The following OCA2 variants were observed in gnomAD, a reference collection of about 807,000 sequenced individuals.
OCA2 encodes the protein OCA2 melanosomal transmembrane protein, also known as P protein.
Under a neutral mutation model 100.2 loss-of-function variants are expected in OCA2, and 77 were observed. The observed-to-expected ratio is 0.77, with a 90% confidence interval of 0.64 to 0.93. The LOEUF (loss-of-function observed/expected upper bound fraction) is 0.93, where lower values mean the gene tolerates loss of function less well. Among genes scored for constraint, OCA2 ranks in the 40% least tolerant of loss-of-function variants. The pLI is 0.00. For synonymous variants in OCA2, 432 were observed against 439.2 expected (o/e 0.98, Z 0.21); for missense variants, 1,062 against 1,089.1 (o/e 0.98, Z 0.35).
intron 16 of OCA2, 79 bp from the exon 17 acceptor site, chr15:27,955,294 T>C: frequency 1.9e-6 from 2 of 1,056,072 alleles, no homozygotes; most frequent in Non-Finnish European, 3.0e-6. Flanking sequence ...TCCCCAGCGC[T>C]TCGTGCCTGG....
At chr15:27,756,505 A>C (rs998179119) in intron 23 of OCA2, among the ~76,000 whole-genome samples, 1 of 152,268 alleles carries the variant, frequency 6.6e-6, no homozygotes, top group African/African-American at 2.4e-5. Context: ...AAAGAAACAC[A>C]GAACATATTT....
intron 23 of OCA2, among the ~76,000 whole-genome samples, chr15:27,756,967 C>T (rs2030428588): frequency 6.6e-6 from 1 of 152,216 alleles, no homozygotes; most frequent in Non-Finnish European, 1.5e-5. Context: ...CAAACATTTT[C>T]ATTTCACCCA....
At chr15:28,009,190 C>T (rs74824892) in intron 9 of OCA2, among the ~76,000 whole-genome samples, 115 of 152,302 alleles carry the variant, frequency 7.6e-4, no homozygotes, top group African/African-American at 2.6e-3. Flanking sequence ...TCCTTTAACA[C>T]CCCTGCAGCC....
chr15:28,018,810 G>C (rs984652684), intron 6 of OCA2, among the ~76,000 whole-genome samples: 2 of 152,172 alleles, frequency 1.3e-5, no homozygotes, highest in African/African-American at 4.8e-5. Context: ...CAGGGAAAGG[G>C]TGCATCCTTA....
Position 28,014,797 on chromosome 15 carries a change from G to A in OCA2, c.1023C>T (p.Val341=). The A allele has an allele frequency of 6.2e-7, 1 of 1,613,834 alleles. No homozygotes were observed. The highest frequency in any genetic ancestry group is 8.5e-7 in the Non-Finnish European group (1 of 1,180,018). Residue 341 remains valine, a synonymous_variant, in exon 9 of 24, where the codon GTC becomes GTT. Coordinates refer to ENST00000354638, the MANE Select transcript of OCA2 (RefSeq NM_000275.3). ...VTIATAILAG[V]YALIIFEIVH... ...TTACCTCAAATATGATCAGCGCGTA[G>A]ACGCCCGCGAGGATGGCCGTCGCGA...
downstream of OCA2, among the ~76,000 whole-genome samples, chr15:27,751,873 G>A (rs368470439): frequency 2.0e-4 from 30 of 152,340 alleles, no homozygotes; most frequent in East Asian, 2.3e-3. Flanking sequence ...TTGAAGATCT[G>A]ACTGTGGAAA....
intron 9 of OCA2, among the ~76,000 whole-genome samples, chr15:28,009,644 C>T (rs549936489): frequency 3.3e-5 from 5 of 149,272 alleles, no homozygotes; most frequent in African/African-American, 4.9e-5. Flanking sequence ...GCTGAGATTG[C>T]GCCACTGCAC....
At chr15:28,038,005 T>C (rs757065274) in intron 2 of OCA2, among the ~76,000 whole-genome samples, 2 of 152,168 alleles carry the variant, frequency 1.3e-5, no homozygotes, top group Non-Finnish European at 2.9e-5. Context: ...TCTGTTTCTT[T>C]CTCTCTTTCT....
the OCA2 span, among the ~76,000 whole-genome samples, chr15:27,722,957 T>C: frequency 6.6e-6 from 1 of 151,930 alleles, no homozygotes; most frequent in East Asian, 1.9e-4. Context: ...TTCTCCTGCC[T>C]CAGCCTCCCG....
intron 13 of OCA2, 111 bp from the exon 14 acceptor site, chr15:27,983,594 C>A: frequency 2.7e-6 from 3 of 1,115,220 alleles, no homozygotes; most frequent in South Asian, 2.5e-5. Flanking sequence ...GGCGCGCACA[C>A]ACACACACCC....
At chr15:27,806,194 G>A (rs2033840101) in intron 23 of OCA2, among the ~76,000 whole-genome samples, 1 of 152,230 alleles carries the variant, frequency 6.6e-6, no homozygotes, top group Admixed American at 6.5e-5. Flanking sequence ...GGAGCAGAGG[G>A]CTGACTTCCA....
At chr15:27,998,494 A>G (rs1282102133) in intron 9 of OCA2, among the ~76,000 whole-genome samples, 1 of 147,942 alleles carries the variant, frequency 6.8e-6, no homozygotes, top group East Asian at 2.0e-4. Flanking sequence ...CAAAACCACA[A>G]TGAGATACCA....
the OCA2 span, among the ~76,000 whole-genome samples, chr15:27,737,478 A>C: frequency 6.6e-6 from 1 of 152,190 alleles, no homozygotes; most frequent in South Asian, 2.1e-4. Context: ...AGAACAGAAT[A>C]GTCTGTTCTA....
At chr15:27,758,517 G>A (rs898712957) in intron 23 of OCA2, among the ~76,000 whole-genome samples, 2 of 152,196 alleles carry the variant, frequency 1.3e-5, no homozygotes, top group Admixed American at 6.5e-5. Context: ...CCAATACTGA[G>A]GTGATACAGA....
At chr15:27,738,690 G>A in the OCA2 span, among the ~76,000 whole-genome samples, 1 of 144,292 alleles carries the variant, frequency 6.9e-6, no homozygotes, top group Non-Finnish European at 1.5e-5. Flanking sequence ...AGCCGAGATC[G>A]CGCCACCGCA....
chr15:28,084,945 CT>C (rs2044752326), intron 1 of OCA2, among the ~76,000 whole-genome samples: 1 of 152,190 alleles, frequency 6.6e-6, no homozygotes, highest in Non-Finnish European at 1.5e-5. Flanking sequence ...ACATCCACCA[CT>C]TTGCTGTATT....
chr15:27,727,119 G>C, the OCA2 span, among the ~76,000 whole-genome samples: 1 of 152,212 alleles, frequency 6.6e-6, no homozygotes, highest in Non-Finnish European at 1.5e-5. Flanking sequence ...CTAACTCTAG[G>C]GAAAAGGATG....
intron 2 of OCA2, among the ~76,000 whole-genome samples, chr15:28,057,806 A>C (rs1562587): frequency 0.097 from 14,806 of 152,102 alleles, 856 homozygotes; most frequent in African/African-American, 0.16. Flanking sequence ...ACGTCATCAC[A>C]AAGACGGGTG....
At chr15:28,053,640 T>C (rs1033136255) in intron 2 of OCA2, among the ~76,000 whole-genome samples, 2 of 152,120 alleles carry the variant, frequency 1.3e-5, no homozygotes, top group Admixed American at 1.3e-4. Context: ...AGTCCAGACA[T>C]GCTGCCCCAG....
Sources: allele counts gnomAD v4.1 joint callset (sites outside exome capture counted in the v4.1 genomes callset), GRCh38; gene constraint gnomAD v4.1.1; transcripts MANE v1.5; gene names NCBI Gene and HGNC (gene_info 2026-07-23, HGNC 2026-07-21).